Variants in PPP1R17 observed in about 807,000 individuals in gnomAD.
PPP1R17 encodes G-substrate.
Under a neutral mutation model 15.9 loss-of-function variants are expected in PPP1R17, and 12 were observed. That is an observed-to-expected ratio of 0.75 (90% CI 0.48 to 1.22). The LOEUF (loss-of-function observed/expected upper bound fraction) is 1.22. Ranked by LOEUF, PPP1R17 falls within the 50% of genes most tolerant of loss-of-function variation. The pLI is 0.00. For missense variants in PPP1R17, 211 were observed against 187.3 expected, an observed-to-expected ratio of 1.13 and a Z score of -0.74; for synonymous variants, 63 against 64.5, an observed-to-expected ratio of 0.98 and a Z score of 0.11.
rs1444940749 is a variant in PPP1R17, at chr7:31,692,487, A to T, written c.46A>T (p.Arg16Ter). Reference protein sequence around the residue: ...QMQPLELSEDRLDKLDPRCSH... With the variant: ...QMQPLELSED The stretch of plus-strand genomic sequence containing the variant: ...GCAGCCACTGGAACTCTCAGAAGAC[A>T]GACTGGACAAGCTAGACCCTCGTTG... The change falls in exon 2 of 5, where the codon AGA (arginine) becomes TGA (stop). Residue 16 changes from arginine to a stop codon, truncating the protein, a stop_gained. Coordinates refer to ENST00000342032, the MANE Select transcript of PPP1R17 (RefSeq NM_006658.5). LOFTEE classifies it high-confidence loss of function. 2 of 1,611,550 alleles carry T rather than the reference A, an allele frequency of 1.2e-6. No homozygotes were observed. The highest frequency in any genetic ancestry group is 2.7e-5 in the African/African-American group (2 of 74,842).
chr7:31,689,796 A>G (rs1792262336), intron 1 of PPP1R17, among the ~76,000 whole-genome samples: 1 of 152,160 alleles, frequency 6.6e-6, no homozygotes, highest in African/African-American at 2.4e-5. Context: ...ATTCATGATA[A>G]AAGTATCTTC....
At chr7:31,687,409 G>C (rs1792146521) in intron 1 of PPP1R17, 103 bp downstream of exon 1, 1 of 152,292 alleles carries the variant, frequency 6.6e-6, no homozygotes, top group African/African-American at 2.4e-5. Context: ...GCACGGGGTT[G>C]TGCTTTATGG....
chr7:31,692,234 T>A (rs956704062), intron 1 of PPP1R17, among the ~76,000 whole-genome samples, 172 bp from the exon 2 acceptor site: 2 of 152,182 alleles, frequency 1.3e-5, no homozygotes, highest in African/African-American at 4.8e-5. Context: ...TATTTTGGCT[T>A]AAATCTCAAG....
rs1793032120 is a variant in PPP1R17, at chr7:31,705,589, G to A, written c.389-1615G>A. Among the ~76,000 whole-genome samples the A allele has an allele frequency of 2.0e-5, 3 of 152,250 alleles. 1 individual carries two copies. The South Asian group carries it at 6.2e-4, about 32-fold the overall frequency. On this transcript the variant is annotated intron_variant, in intron 4 of 4. Transcript: ENST00000342032. ...TAAAGAACCCATGTGAACAAACTAG[G>A]AACTGAAACAAATGAATAGTCATTA...
At chr7:31,691,538 C>G (rs1001365944) in intron 1 of PPP1R17, among the ~76,000 whole-genome samples, 1 of 152,176 alleles carries the variant, frequency 6.6e-6, no homozygotes, top group East Asian at 1.9e-4. Flanking sequence ...CTCCTTCAGA[C>G]CTGACACATA....
chr7:31,690,426 C>T lies in PPP1R17; in HGVS notation c.-36-1980C>T, dbSNP rs927733276. Among the ~76,000 whole-genome samples the T allele has an allele frequency of 2.6e-5, 4 of 152,178 alleles. 1 individual carries two copies. The highest frequency in any genetic ancestry group is 9.7e-5 in the African/African-American group (4 of 41,432). ...AGAGAGGGACATATGTTTCTGGGTG[C>T]CAGACTGTGTGGGCACCACAAAGAT... On this transcript the variant is annotated intron_variant, in intron 1 of 4. Transcript: ENST00000342032.
chr7:31,704,215 A>T (rs1456117102), intron 4 of PPP1R17, among the ~76,000 whole-genome samples: 1 of 152,210 alleles, frequency 6.6e-6, no homozygotes, highest in African/African-American at 2.4e-5. Flanking sequence ...TGAAAGTGAC[A>T]CATATTCTGT....
intron 2 of PPP1R17, among the ~76,000 whole-genome samples, chr7:31,694,380 T>TCAAACACA (rs1250440023): frequency 9.6e-4 from 105 of 109,208 alleles, no homozygotes; most frequent in African/African-American, 3.9e-3. Flanking sequence ...TCTCTCTCTC[T>TCAAACACA]CTCTCAAACA....
At chr7:31,691,130 T>C (rs1446071735) in intron 1 of PPP1R17, among the ~76,000 whole-genome samples, 1 of 152,108 alleles carries the variant, frequency 6.6e-6, no homozygotes, top group Non-Finnish European at 1.5e-5. Context: ...TCTTCTGAAG[T>C]CACTCAGTAC....
chr7:31,700,942 A>G lies in PPP1R17; in HGVS notation c.388+3825A>G, dbSNP rs186469384. Among the ~76,000 whole-genome samples, 240 of 152,300 alleles carry G rather than the reference A, an allele frequency of 1.6e-3. 1 individual carries two copies. Among genetic ancestry groups the G allele is most frequent in the African/African-American group, 5.6e-3 (231 of 41,574 alleles). ...TTTCAAATTATTACTGCTCATTAAC[A>G]ATGTACCTCATCACCCAAGAGCTCT... On this transcript the variant is annotated intron_variant, in intron 4 of 4. Coordinates refer to ENST00000342032, the MANE Select transcript of PPP1R17 (RefSeq NM_006658.5).
intron 3 of PPP1R17, 42 bp from the exon 4 acceptor site, chr7:31,696,923 G>A (rs1172257396): frequency 1.3e-6 from 2 of 1,598,992 alleles, no homozygotes. Context: ...TAGGATATAT[G>A]TATTTGATCC....
At chr7:31,695,902 C>G (rs569412472) in intron 3 of PPP1R17, 6 of 244,840 alleles carry the variant, frequency 2.5e-5, no homozygotes, top group Non-Finnish European at 3.9e-5. Context: ...ATTCAGGGAC[C>G]CGGTCTCATG....
At chr7:31,699,535 T>C (rs979133251) in intron 4 of PPP1R17, among the ~76,000 whole-genome samples, 1 of 152,174 alleles carries the variant, frequency 6.6e-6, no homozygotes, top group Admixed American at 6.5e-5. Flanking sequence ...GAAGAAGGAA[T>C]TGTTACATGG....
At chr7:31,704,138 G>C (rs1245536090) in intron 4 of PPP1R17, among the ~76,000 whole-genome samples, 1 of 152,184 alleles carries the variant, frequency 6.6e-6, no homozygotes, top group African/African-American at 2.4e-5. Context: ...GTGGACATTT[G>C]GGCAGTTTGG....
At chr7:31,692,149 GA>G (rs1474522913) in intron 1 of PPP1R17, among the ~76,000 whole-genome samples, 6 of 152,300 alleles carry the variant, frequency 3.9e-5, no homozygotes, top group Admixed American at 1.3e-4. Flanking sequence ...GTCTCTGAGA[GA>G]GGGCAAATAT....
chr7:31,702,200 C>CTTAT (rs112240219), intron 4 of PPP1R17, among the ~76,000 whole-genome samples: 4,335 of 126,762 alleles, frequency 0.034, 232 homozygotes, highest in African/African-American at 0.13. Context: ...GCTTTTCACC[C>CTTAT]TTATTTATTT....
chr7:31,695,541 C>T lies in PPP1R17; in HGVS notation c.155C>T (p.Ala52Val). The change falls in exon 3 of 5, where the codon GCC (alanine) becomes GTC (valine). Residue 52 changes from alanine to valine, a missense_variant. Transcript: ENST00000342032. ...CCTAGAAAGGGAAAAAATGTACAGGCCACCCTGAATGTTGAGTCAGACCAA... is the reference window on the plus strand; with the variant it reads ...CCTAGAAAGGGAAAAAATGTACAGGTCACCCTGAATGTTGAGTCAGACCAA... ...KKPRKGKNVQ[A>V]TLNVESDQKK... is the part of the protein sequence containing the mutation. 1 of 1,613,772 alleles carries T rather than the reference C, an allele frequency of 6.2e-7. No homozygotes were observed. The highest frequency in any genetic ancestry group is 8.5e-7 in the Non-Finnish European group (1 of 1,179,870).
chr7:31,698,504 C>A (rs370951897), intron 4 of PPP1R17, among the ~76,000 whole-genome samples: 1 of 152,284 alleles, frequency 6.6e-6, no homozygotes, highest in East Asian at 1.9e-4. Flanking sequence ...TTCTACATAC[C>A]AGCTTTTCTA....
Position 31,691,711 on chromosome 7 carries a change from T to C in PPP1R17, c.-36-695T>C, listed in dbSNP as rs1792350110. On this transcript the variant is annotated intron_variant, in intron 1 of 4. Transcript: ENST00000342032. The stretch of plus-strand genomic sequence containing the variant: ...TAAAGATCTATCCAAAACCCAGATT[T>C]TCTCCTACCATGTTTCTACCACCAT... Among the ~76,000 whole-genome samples, 3 of 150,662 alleles carry C rather than the reference T, an allele frequency of 2.0e-5. No homozygotes were observed. In the South Asian group the frequency reaches 6.3e-4, roughly 32 times the overall value.
Sources: allele counts gnomAD v4.1 joint callset (sites outside exome capture counted in the v4.1 genomes callset), GRCh38; gene constraint gnomAD v4.1.1; transcripts MANE v1.5; gene names NCBI Gene and HGNC (gene_info 2026-07-23, HGNC 2026-07-21).